Variants in ZNF879 observed in about 807,000 individuals in gnomAD.
The protein encoded by ZNF879 is zinc finger protein 879.
Under a neutral mutation model 44.3 loss-of-function variants are expected in ZNF879, and 32 were observed. The ratio of observed to expected loss-of-function variants is 0.72; its 90% CI spans 0.54 to 0.97. ZNF879 has a LOEUF of 0.97. Ranked by LOEUF, ZNF879 falls within the 50% of genes least tolerant of loss-of-function variation. The pLI is 0.00. For missense variants in ZNF879, 621 were observed against 669.7 expected (o/e 0.93, Z 0.80); for synonymous variants, 234 against 233.2 (o/e 1.00, Z -0.03).
At chr5:179,024,662 A>G (rs985090229) in intron 1 of ZNF879, 4 of 279,980 alleles carry the variant, frequency 1.4e-5, no homozygotes, top group South Asian at 8.9e-5. Context: ...GTCATTTCCT[A>G]TTACTTTATC....
At chr5:179,028,354 A>G (rs1417765465) in intron 4 of ZNF879, among the ~76,000 whole-genome samples, 1 of 152,236 alleles carries the variant, frequency 6.6e-6, no homozygotes, top group African/African-American at 2.4e-5. Context: ...CAGAATATGT[A>G]ATACAGTATA....
At chr5:179,025,610 A>T (rs1024473058) in intron 2 of ZNF879, among the ~76,000 whole-genome samples, 3 of 152,172 alleles carry the variant, frequency 2.0e-5, no homozygotes, top group African/African-American at 7.2e-5. Context: ...GACACGGAGG[A>T]GTTAAATAAT....
chr5:179,025,248 C>G (rs889609551), intron 2 of ZNF879, among the ~76,000 whole-genome samples: 1 of 150,912 alleles, frequency 6.6e-6, no homozygotes, highest in Non-Finnish European at 1.5e-5. Context: ...GAGACAGGGT[C>G]TCACTCTGTT....
In ZNF879 at chr5:179,033,366, C is replaced by G. The variant is rs1171492870; in HGVS notation, c.1418C>G (p.Thr473Ser). 4 of 1,560,628 alleles carry G rather than the reference C, an allele frequency of 2.6e-6. No homozygotes were observed. The East Asian group carries it at 7.3e-5, about 28-fold the overall frequency. Residue 473 changes from threonine (T) to serine (S), a missense_variant, in exon 5 of 5, where the codon ACT becomes AGT. Coordinates refer to ENST00000444149, the MANE Select transcript of ZNF879 (RefSeq NM_001136116.3). ...KAFSSHSGVN[T>S]HRKIHTGEKP... ...TTCAGTTCCCACTCAGGCGTTAATA[C>G]TCATCGAAAAATTCATACTGGAGAA...
At chr5:179,028,593 G>A (rs999497878) in intron 4 of ZNF879, among the ~76,000 whole-genome samples, 1 of 152,034 alleles carries the variant, frequency 6.6e-6, no homozygotes, top group African/African-American at 2.4e-5. Flanking sequence ...AGATATATGT[G>A]TATGTATTTA....
chr5:179,027,648 C>T (rs1445910612), intron 3 of ZNF879, 49 bp downstream of exon 3: 2 of 1,598,182 alleles, frequency 1.3e-6, no homozygotes, highest in Non-Finnish European at 1.7e-6. Flanking sequence ...AGCACCTTAG[C>T]ACCCTCAGGG....
chr5:179,026,488 T>C (rs1335112863), intron 2 of ZNF879, among the ~76,000 whole-genome samples: 1 of 152,168 alleles, frequency 6.6e-6, no homozygotes, highest in Non-Finnish European at 1.5e-5. Flanking sequence ...ATTCGTTTTG[T>C]TTTGTTTTTT....
rs541965727 is a variant in ZNF879, at chr5:179,032,455, G to A, written c.507G>A (p.Ser169=). The stretch of plus-strand genomic sequence containing the variant: ...GGAAAAATCTTGGTCTAAAATCATC[G>A]CTTATTAGAAAACCGAGAATAGTTT... ...EFGKNLGLKS[S]LIRKPRIVSR... Residue 169 remains serine (S), a synonymous_variant, in exon 5 of 5, where the codon TCG becomes TCA. Coordinates refer to ENST00000444149, the MANE Select transcript of ZNF879 (RefSeq NM_001136116.3). 9.2e-5 allele frequency: 143 copies of A among 1,551,494 alleles called. 1 individual carries two copies. In the South Asian group the frequency reaches 9.6e-4, roughly 10 times the overall value.
In ZNF879 at chr5:179,033,724, A is replaced by G. The variant is rs113680796; in HGVS notation, c.*84A>G. The G allele has an allele frequency of 2.1e-5, 22 of 1,039,610 alleles. No individual in the cohort carries two copies. The highest frequency in any genetic ancestry group is 1.8e-4 in the African/African-American group (11 of 61,970). 64.4% of individuals were successfully genotyped at this position (1,039,610 alleles called of 1,614,324 possible). A position where few individuals can be genotyped will look rare whatever the true frequency, so the allele number is the denominator to read the frequency against. On this transcript the variant is annotated 3_prime_UTR_variant, in exon 5 of 5. Coordinates refer to ENST00000444149, the MANE Select transcript of ZNF879 (RefSeq NM_001136116.3). ...AATTCATTGTGGGGAGAAAGTGATG[A>G]AGAGTAGTTAATCATAGGTAAAACT... is the stretch of plus-strand genomic sequence containing the variant.
At chr5:179,028,824 G>T (rs1761343307) in intron 4 of ZNF879, among the ~76,000 whole-genome samples, 1 of 152,138 alleles carries the variant, frequency 6.6e-6, no homozygotes, top group Non-Finnish European at 1.5e-5. Context: ...TTCTGTCTAT[G>T]CTTCTGGCAG....
At chr5:179,029,370 C>T (rs1201740411) in intron 4 of ZNF879, among the ~76,000 whole-genome samples, 1 of 151,946 alleles carries the variant, frequency 6.6e-6, no homozygotes. Flanking sequence ...TCAGTCCTTC[C>T]TTTCATTTCA....
At chr5:179,028,184 GCGAGGAGGCTGCGCT>G in intron 4 of ZNF879, 57 bp downstream of exon 4, 1 of 1,485,936 alleles carries the variant, frequency 6.7e-7, no homozygotes, top group South Asian at 1.2e-5. Flanking sequence ...CCAGGGCACA[GCGAGGAGGCTGCGCT>G]CAAGGGTCTC....
chr5:179,027,831 G>A (rs1581099262), intron 3 of ZNF879, among the ~76,000 whole-genome samples: 2 of 152,102 alleles, frequency 1.3e-5, no homozygotes, highest in African/African-American at 4.8e-5. Context: ...GCCCCACAGG[G>A]TGTTCCTGCT....
At chr5:179,025,485 C>T (rs1257998126) in intron 2 of ZNF879, among the ~76,000 whole-genome samples, 3 of 152,294 alleles carry the variant, frequency 2.0e-5, no homozygotes, top group African/African-American at 4.8e-5. Flanking sequence ...CCACCGCGCC[C>T]GGCCCCCAGT....
At chr5:179,025,935 G>T (rs1391425059) in intron 2 of ZNF879, among the ~76,000 whole-genome samples, 1 of 150,986 alleles carries the variant, frequency 6.6e-6, no homozygotes, top group Non-Finnish European at 1.5e-5. Context: ...AAAAAGCCAG[G>T]TGTGGTGGGT....
At chr5:179,024,575 C>G (rs1430338314) in intron 1 of ZNF879, 1 of 159,088 alleles carries the variant, frequency 6.3e-6, no homozygotes, top group African/African-American at 2.4e-5. Context: ...TTGGCTGTTC[C>G]TAAAAAAGAG....
rs1237160288 is a variant in ZNF879 at position 179,032,470 on chromosome 5, G to T, written c.522G>T (p.Pro174=). 6.4e-7 allele frequency: 1 copy of T among 1,551,682 alleles called. No homozygotes were observed. Among genetic ancestry groups the T allele is most frequent in the African/African-American group, 1.4e-5 (1 of 73,162 alleles). The change falls in exon 5 of 5, where the codon CCG becomes CCT. Residue 174 remains proline, a synonymous_variant. Coordinates refer to ENST00000444149, the MANE Select transcript of ZNF879 (RefSeq NM_001136116.3). ...TAAAATCATCGCTTATTAGAAAACC[G>T]AGAATAGTTTCCAGAGGAAGGAGAC... The part of the protein sequence containing the change: ...LGLKSSLIRK[P]RIVSRGRRPR...
chr5:179,028,558 C>T (rs987297751), intron 4 of ZNF879, among the ~76,000 whole-genome samples: 2 of 151,690 alleles, frequency 1.3e-5, no homozygotes, highest in African/African-American at 4.9e-5. Context: ...CTTAATTATA[C>T]ATGGTTCAAA....
intron 2 of ZNF879, among the ~76,000 whole-genome samples, chr5:179,025,814 G>A (rs13160181): frequency 9.9e-5 from 15 of 152,118 alleles, no homozygotes; most frequent in Non-Finnish European, 1.8e-4. Flanking sequence ...CTGCTCTGGA[G>A]GCTGAGGCAG....
Sources: gnomAD v4.1 joint callset for allele counts (sites outside exome capture counted in the v4.1 genomes callset) on GRCh38, gnomAD v4.1.1 for gene constraint, MANE v1.5 for transcripts, NCBI Gene and HGNC (gene_info 2026-07-23, HGNC 2026-07-21) for gene names.